Variants in BCAT1 observed in about 807,000 individuals in gnomAD.
The protein encoded by BCAT1 is branched-chain-amino-acid aminotransferase, cytosolic.
In BCAT1, 48 loss-of-function variants were observed where a neutral mutation model predicts 52.4. That is an observed-to-expected ratio of 0.92 (90% CI 0.73 to 1.16). The LOEUF is 1.16. Among genes scored for constraint, BCAT1 ranks in the 50% most tolerant of loss-of-function variants. The pLI, the probability that BCAT1 is intolerant of heterozygous loss-of-function variation, is 0.00. For missense variants in BCAT1, 451 were observed against 457.1 expected (o/e 0.99, Z 0.12); for synonymous variants, 167 against 161.3 (o/e 1.04, Z -0.27).
At chr12:24,937,135 A>G (rs1943770593) in intron 1 of BCAT1, among the ~76,000 whole-genome samples, 2 of 152,098 alleles carry the variant, frequency 1.3e-5, no homozygotes, top group South Asian at 4.1e-4. Flanking sequence ...ACAAATAATC[A>G]CCCCAATACA....
At chr12:24,885,353 T>C (rs897066613) in intron 3 of BCAT1, among the ~76,000 whole-genome samples, 7 of 151,974 alleles carry the variant, frequency 4.6e-5, no homozygotes, top group African/African-American at 1.7e-4. Flanking sequence ...AAGTGAAAGA[T>C]CCATAAGGAA....
At chr12:24,948,662 G>A (rs1943973061) in intron 1 of BCAT1, among the ~76,000 whole-genome samples, 1 of 152,166 alleles carries the variant, frequency 6.6e-6, no homozygotes, top group Admixed American at 6.5e-5. Context: ...AGCTGTAGCA[G>A]ACTTTCACCT....
At chr12:24,879,327 T>G (rs1461814295) in intron 4 of BCAT1, among the ~76,000 whole-genome samples, 1 of 152,088 alleles carries the variant, frequency 6.6e-6, no homozygotes. Context: ...AATGAAGAGA[T>G]AGATAACCCA....
chr12:24,939,906 G>A (rs375891400), intron 1 of BCAT1, among the ~76,000 whole-genome samples: 22 of 152,256 alleles, frequency 1.4e-4, no homozygotes, highest in African/African-American at 4.8e-4. Context: ...TCTTGATAAT[G>A]ACTCTGGTGT....
chr12:24,829,412 A>G (rs942045524), intron 10 of BCAT1, among the ~76,000 whole-genome samples: 1 of 152,142 alleles, frequency 6.6e-6, no homozygotes, highest in African/African-American at 2.4e-5. Flanking sequence ...AAAAATTAAC[A>G]GTGATTATAT....
chr12:24,832,915 A>G (rs1940747463), intron 8 of BCAT1, 52 bp from the exon 9 acceptor site: 1 of 1,502,712 alleles, frequency 6.7e-7, no homozygotes, highest in Non-Finnish European at 9.0e-7. Flanking sequence ...AAGGCATGCA[A>G]AACAATTGCA....
At chr12:24,828,725 G>A (rs1488942888) in intron 10 of BCAT1, among the ~76,000 whole-genome samples, 3 of 152,150 alleles carry the variant, frequency 2.0e-5, no homozygotes, top group African/African-American at 7.2e-5. Flanking sequence ...AAGTATACTG[G>A]CTGGGCATGG....
At chr12:24,895,803 A>G (rs1334747044) in intron 2 of BCAT1, among the ~76,000 whole-genome samples, 2 of 152,190 alleles carry the variant, frequency 1.3e-5, no homozygotes, top group Non-Finnish European at 2.9e-5. Context: ...GTCATTTGAT[A>G]TATTATGAAT....
rs543543359 is a variant in BCAT1 at position 24,812,927 on chromosome 12, TATAC to T, written c.*5077_*5080del. ...AAACTGAACATCATGCAACTCAAGTTATACGTCTTGTTGATTGGGTCTATTGTAG... is the reference window on the plus strand; with the variant it reads ...AAACTGAACATCATGCAACTCAAGTTGTCTTGTTGATTGGGTCTATTGTAG... On this transcript the variant is annotated 3_prime_UTR_variant, in exon 11 of 11. Coordinates refer to ENST00000261192, the MANE Select transcript of BCAT1 (RefSeq NM_005504.7). 9.9e-5 allele frequency: 15 copies of T among 151,996 alleles called. No homozygotes were observed. The highest frequency in any genetic ancestry group is 2.1e-4 in the Non-Finnish European group (14 of 67,906). 9.4% of individuals were successfully genotyped at this position (151,996 alleles called of 1,614,324 possible). A position where few individuals can be genotyped will look rare whatever the true frequency, so the allele number is the denominator to read the frequency against.
At chr12:24,871,825 A>G (rs186581625) in intron 5 of BCAT1, among the ~76,000 whole-genome samples, 6 of 152,368 alleles carry the variant, frequency 3.9e-5, no homozygotes, top group Non-Finnish European at 5.9e-5. Context: ...ATAACAGGCT[A>G]AAATCAAGGC....
chr12:24,931,687 A>G (rs1204489279), intron 1 of BCAT1, among the ~76,000 whole-genome samples: 2 of 152,256 alleles, frequency 1.3e-5, no homozygotes, highest in Admixed American at 1.3e-4. Flanking sequence ...TTCAAAATCA[A>G]GTATTAACCT....
intron 1 of BCAT1, among the ~76,000 whole-genome samples, chr12:24,916,271 A>AACG (rs1943405248): frequency 6.6e-6 from 1 of 152,148 alleles, no homozygotes; most frequent in Non-Finnish European, 1.5e-5. Context: ...TCTCCAAAAT[A>AACG]TCTTGAGGTC....
chr12:24,894,507 A>G, intron 2 of BCAT1, 32 bp from the exon 3 acceptor site: 1 of 1,533,374 alleles, frequency 6.5e-7, no homozygotes, highest in South Asian at 1.2e-5. Flanking sequence ...TATTTACAGA[A>G]AAGCTACTGA....
Position 24,816,874 on chromosome 12 carries a change from T to C in BCAT1, c.*1134A>G, listed in dbSNP as rs1046766298. On this transcript the variant is annotated 3_prime_UTR_variant, in exon 11 of 11. Coordinates refer to ENST00000261192, the MANE Select transcript of BCAT1 (RefSeq NM_005504.7). The stretch of plus-strand genomic sequence containing the variant: ...GCAGAGTTCACAATAGGATTTGTGC[T>C]CCTATGAGAATCTAATGCTGCCACT... The C allele has an allele frequency of 2.7e-4, 81 of 305,034 alleles. No individual in the cohort carries two copies. The highest frequency in any genetic ancestry group is 1.7e-3 in the African/African-American group (79 of 47,030). The allele number at this position is 305,034 out of a possible 1,614,324, so 18.9% of individuals were successfully genotyped here.
intron 10 of BCAT1, among the ~76,000 whole-genome samples, chr12:24,828,478 G>A (rs1940501768): frequency 6.6e-6 from 1 of 151,930 alleles, no homozygotes; most frequent in South Asian, 2.1e-4. Context: ...AAGTAATCGA[G>A]GATGTACTGT....
chr12:24,842,783 G>A (rs986627070), intron 6 of BCAT1, among the ~76,000 whole-genome samples: 8 of 152,026 alleles, frequency 5.3e-5, no homozygotes, highest in Non-Finnish European at 1.0e-4. Flanking sequence ...TAAAAGTCTC[G>A]ATGTTGACCA....
At chr12:24,932,613 G>A (rs542526878) in intron 1 of BCAT1, among the ~76,000 whole-genome samples, 6 of 152,254 alleles carry the variant, frequency 3.9e-5, no homozygotes, top group South Asian at 4.2e-4. Context: ...TTTCAGACCA[G>A]ACCCTGTTAT....
intron 1 of BCAT1, chr12:24,903,852 G>A (rs1943176952): frequency 6.6e-6 from 1 of 152,180 alleles, no homozygotes; most frequent in African/African-American, 2.4e-5. Flanking sequence ...TTCGCCTGGG[G>A]CAACGTCAGC....
chr12:24,844,894 CAAAAAAAAAAAAAAAAAA>C (rs11318750), intron 6 of BCAT1, among the ~76,000 whole-genome samples: 1 of 36,002 alleles, frequency 2.8e-5, no homozygotes, highest in Non-Finnish European at 5.1e-5. Context: ...GAGACTGTCT[CAAAAAAAAAAAAAAAAAA>C]AAAAAGAGTC....
Sources: allele counts gnomAD v4.1 joint callset (sites outside exome capture counted in the v4.1 genomes callset), GRCh38; gene constraint gnomAD v4.1.1; transcripts MANE v1.5; gene names NCBI Gene and HGNC (gene_info 2026-07-23, HGNC 2026-07-21).